The following RBPJ variants were observed in gnomAD, a reference collection of about 807,000 sequenced individuals.
The protein encoded by RBPJ is recombining binding protein suppressor of hairless.
Under a neutral mutation model 67.8 loss-of-function variants are expected in RBPJ, and 9 were observed. The observed-to-expected ratio is 0.13, with a 90% CI of 0.08 to 0.23. The LOEUF (loss-of-function observed/expected upper bound fraction) is 0.23. RBPJ is among the 10% of genes least tolerant of loss of function. RBPJ has a pLI of 1.00. For missense variants in RBPJ, 305 were observed against 595.6 expected (o/e 0.51, Z 5.08); for synonymous variants, 198 against 203.3 (o/e 0.97, Z 0.22).
chr4:26,170,150 T>C (rs1483208351), intron 1 of RBPJ, among the ~76,000 whole-genome samples: 1 of 152,130 alleles, frequency 6.6e-6, no homozygotes, highest in African/African-American at 2.4e-5. Context: ...AATGCAGAAA[T>C]CACCCGTCTT....
chr4:26,289,384 C>CAAAAAAAAAA lies in RBPJ; in HGVS notation c.-166-73048_-166-73039dup, dbSNP rs60159669. ...TCAGCGACAGAGTGAGACTTGGTCT[C>CAAAAAAAAAA]AAAAAAAAAAAAAAAAAAAAAAAGA... On this transcript the variant is annotated intron_variant, in intron 1 of 4. Transcript: ENST00000512351. Among the ~76,000 whole-genome samples the CAAAAAAAAAA allele has an allele frequency of 1.3e-3, 98 of 78,284 alleles. 1 individual carries two copies. The highest frequency in any genetic ancestry group is 4.0e-3 in the African/African-American group (83 of 20,536). The allele number at this position is 78,284 out of a possible 152,430, so 51.4% of individuals were successfully genotyped here. A position where few individuals can be genotyped will look rare whatever the true frequency, so the allele number is the denominator to read the frequency against.
the RBPJ span, among the ~76,000 whole-genome samples, chr4:26,148,361 A>G: frequency 6.6e-6 from 1 of 152,240 alleles, no homozygotes; most frequent in South Asian, 2.1e-4. Flanking sequence ...CGGAGAGGTC[A>G]GCGTTGAAGA....
At chr4:26,215,290 A>C (rs1718663825) in intron 1 of RBPJ, among the ~76,000 whole-genome samples, 4 of 101,062 alleles carry the variant, frequency 4.0e-5, no homozygotes, top group Non-Finnish European at 8.3e-5. Flanking sequence ...GAGAGAAAGA[A>C]AGAGAAAAAG....
chr4:26,332,460 T>C (rs1222780533), intron 1 of RBPJ, among the ~76,000 whole-genome samples: 1 of 152,254 alleles, frequency 6.6e-6, no homozygotes, highest in Non-Finnish European at 1.5e-5. Flanking sequence ...TATACATTTT[T>C]GTTTAAATTC....
At chr4:26,338,156 CTTTTTTTTT>C (rs773976269) in intron 1 of RBPJ, among the ~76,000 whole-genome samples, 2 of 89,030 alleles carry the variant, frequency 2.2e-5, no homozygotes, top group Non-Finnish European at 4.5e-5. Context: ...ATTTTTCTTT[CTTTTTTTTT>C]TTTTTTTTTG....
chr4:26,208,465 G>A (rs1718246910), intron 1 of RBPJ, among the ~76,000 whole-genome samples: 1 of 152,204 alleles, frequency 6.6e-6, no homozygotes, highest in South Asian at 2.1e-4. Context: ...CACACAGTCA[G>A]AGATGTCACC....
At chr4:26,139,297 G>A in the RBPJ span, among the ~76,000 whole-genome samples, 6 of 152,232 alleles carry the variant, frequency 3.9e-5, no homozygotes, top group African/African-American at 1.4e-4. Context: ...TTAGTGTAGT[G>A]CCCAGCCCAT....
the RBPJ span, among the ~76,000 whole-genome samples, chr4:26,117,562 G>A: frequency 1.3e-5 from 2 of 152,142 alleles, no homozygotes; most frequent in African/African-American, 4.8e-5. Context: ...AGATGAGTCA[G>A]ATTGACTTCA....
Position 26,405,194 on chromosome 4 carries a change from A to G in RBPJ, c.60-981A>G, listed in dbSNP as rs560034136. ...CAGTTAGGGAATCAGAGGCTGGTTG[A>G]GGTTAAATGATTTGCACCAGGCTAC... On this transcript the variant is annotated intron_variant, in intron 2 of 10. Transcript: ENST00000355476. Among the ~76,000 whole-genome samples, 4 of 152,330 alleles carry G rather than the reference A, an allele frequency of 2.6e-5. No individual in the cohort carries two copies. In the South Asian group the frequency reaches 8.3e-4, roughly 32 times the overall value.
intron 1 of RBPJ, among the ~76,000 whole-genome samples, chr4:26,385,800 AT>A (rs902514585): frequency 6.8e-6 from 1 of 146,774 alleles, no homozygotes; most frequent in African/African-American, 2.5e-5. Flanking sequence ...TTATTTATTT[AT>A]TTTTTTATTT....
the RBPJ span, among the ~76,000 whole-genome samples, chr4:26,119,306 A>G: frequency 0.059 from 8,976 of 152,096 alleles, 856 homozygotes; most frequent in African/African-American, 0.21. Context: ...TCCCCAATCC[A>G]TTATATGCCC....
rs28577092 is a variant in RBPJ, at chr4:26,309,473, T to C, written c.-166-52973T>C. Reference sequence around the variant, plus strand: ...GCCTACTATGTACCCAGTTATTTTATGTAATACCTCAATTAATTATCAAAG... The same window carrying C: ...GCCTACTATGTACCCAGTTATTTTACGTAATACCTCAATTAATTATCAAAG... On this transcript the variant is annotated intron_variant, in intron 1 of 4. Coordinates refer to the RBPJ transcript ENST00000512351. 8.3e-3 allele frequency among the ~76,000 whole-genome samples: 1,269 copies of C among 152,366 alleles called. 15 individuals are homozygous for C. The highest frequency in any genetic ancestry group is 0.029 in the African/African-American group (1,189 of 41,586).
chr4:26,137,180 G>A, the RBPJ span, among the ~76,000 whole-genome samples: 1 of 152,186 alleles, frequency 6.6e-6, no homozygotes, highest in Admixed American at 6.5e-5. Flanking sequence ...GCCAAGCTCA[G>A]CAGAGAAGGC....
chr4:26,214,858 GGAAA>G (rs1474052739), intron 1 of RBPJ, among the ~76,000 whole-genome samples: 1 of 116,604 alleles, frequency 8.6e-6, no homozygotes, highest in Non-Finnish European at 1.7e-5. Context: ...GAGGGAGAGA[GGAAA>G]GAGAAAATGA....
At chr4:26,218,380 G>A (rs1718787683) in intron 1 of RBPJ, among the ~76,000 whole-genome samples, 1 of 152,156 alleles carries the variant, frequency 6.6e-6, no homozygotes. Flanking sequence ...CTCCCCAGGA[G>A]ACACCCTGAT....
intron 1 of RBPJ, among the ~76,000 whole-genome samples, chr4:26,198,114 C>T (rs1420862261): frequency 6.6e-6 from 1 of 151,920 alleles, no homozygotes; most frequent in Non-Finnish European, 1.5e-5. Flanking sequence ...ATTAGCCGGG[C>T]GTGGTGGTAC....
intron 3 of RBPJ, among the ~76,000 whole-genome samples, chr4:26,408,945 C>A (rs1309245239): frequency 6.6e-6 from 1 of 152,204 alleles, no homozygotes; most frequent in Non-Finnish European, 1.5e-5. Context: ...TAACCCTTTT[C>A]CATTACCTAG....
chr4:26,270,422 AAAGAAAGAAAGAAAG>A (rs1213596854), intron 1 of RBPJ, among the ~76,000 whole-genome samples: 691 of 58,182 alleles, frequency 0.012, 135 homozygotes, highest in Middle Eastern at 0.047. Flanking sequence ...AGAAAGAAAG[AAAGAAAGAAAGAAAG>A]AAGAAAGAAA....
intron 1 of RBPJ, among the ~76,000 whole-genome samples, chr4:26,181,621 A>C (rs1015477416): frequency 6.6e-6 from 1 of 152,158 alleles, no homozygotes; most frequent in Admixed American, 6.6e-5. Context: ...AGATGGTACA[A>C]CCTACCACCC....
Sources: gnomAD v4.1 joint callset for allele counts (sites outside exome capture counted in the v4.1 genomes callset) on GRCh38, gnomAD v4.1.1 for gene constraint, MANE v1.5 for transcripts, NCBI Gene and HGNC (gene_info 2026-07-23, HGNC 2026-07-21) for gene names.